MALRD1: variants seen among roughly 807,000 people sequenced by gnomAD.
MALRD1 encodes the protein MAM and LDL-receptor class A domain-containing protein 1.
Under a neutral mutation model 242.1 loss-of-function variants are expected in MALRD1, and 247 were observed. The observed-to-expected ratio is 1.02, with a 90% confidence interval of 0.92 to 1.13. MALRD1 has a LOEUF of 1.13. Among genes scored for constraint, MALRD1 ranks in the 50% most tolerant of loss-of-function variants. The pLI, the probability that MALRD1 is intolerant of heterozygous loss-of-function variation, is 0.00. For missense variants in MALRD1, 2,989 were observed against 2,533.1 expected, an observed-to-expected ratio of 1.18 and a Z score of -3.86; for synonymous variants, 995 against 866.6, an observed-to-expected ratio of 1.15 and a Z score of -2.60.
intron 34 of MALRD1, among the ~76,000 whole-genome samples, chr10:19,603,182 A>G (rs571646445): frequency 1.3e-5 from 2 of 152,202 alleles, no homozygotes; most frequent in Non-Finnish European, 2.9e-5. Context: ...TGCTGTGCAG[A>G]AGCTCTTTAG....
At chr10:19,401,380 A>G (rs577636367) in intron 28 of MALRD1, among the ~76,000 whole-genome samples, 1 of 152,328 alleles carries the variant, frequency 6.6e-6, no homozygotes, top group Non-Finnish European at 1.5e-5. Context: ...TTTAAATTAA[A>G]TGTTATGTAC....
intron 31 of MALRD1, among the ~76,000 whole-genome samples, chr10:19,526,006 T>C (rs759375937): frequency 6.6e-6 from 1 of 152,192 alleles, no homozygotes; most frequent in African/African-American, 2.4e-5. Flanking sequence ...ATAAAGCGAG[T>C]TGGTTTAATG....
intron 32 of MALRD1, among the ~76,000 whole-genome samples, chr10:19,564,992 C>T (rs1836188737): frequency 6.6e-6 from 1 of 152,058 alleles, no homozygotes; most frequent in African/African-American, 2.4e-5. Context: ...TATGAAAACA[C>T]TTGACGTAAC....
intron 1 of MALRD1, chr10:19,052,153 TA>T: frequency 2.3e-6 from 1 of 436,080 alleles, no homozygotes; most frequent in Admixed American, 2.7e-5. Flanking sequence ...CTTTGGTGCC[TA>T]ATGATGTCTA....
intron 27 of MALRD1, among the ~76,000 whole-genome samples, chr10:19,388,349 C>T (rs1025566719): frequency 6.6e-6 from 1 of 152,176 alleles, no homozygotes; most frequent in Admixed American, 6.5e-5. Context: ...CAAACCATAA[C>T]AGTTTTTAGC....
chr10:19,234,643 C>T (rs900253303), intron 18 of MALRD1, among the ~76,000 whole-genome samples: 8 of 147,348 alleles, frequency 5.4e-5, no homozygotes, highest in African/African-American at 1.0e-4. Context: ...AAAAAAAAAG[C>T]GCTAATTCAT....
intron 21 of MALRD1, among the ~76,000 whole-genome samples, chr10:19,290,632 A>C (rs1359958729): frequency 2.0e-5 from 3 of 152,174 alleles, no homozygotes; most frequent in Admixed American, 1.3e-4. Flanking sequence ...GTATTTTGAG[A>C]AAAGAATCAT....
rs1836316899 is a variant in MALRD1, at chr10:19,567,658, A to G, written c.5635A>G (p.Ile1879Val). The G allele has an allele frequency of 1.3e-6, 2 of 1,550,514 alleles. No homozygotes were observed. The highest frequency in any genetic ancestry group is 1.4e-5 in the African/African-American group (1 of 72,998). Residue 1879 changes from isoleucine to valine, a missense_variant, in exon 33 of 40, where the codon ATT becomes GTT. Coordinates refer to ENST00000454679, the MANE Select transcript of MALRD1 (RefSeq NM_001142308.3). ...ADLDGNEDIF[I>V]ALDDISFTPE... ...TTTGGATGGAAATGAGGACATCTTT[A>G]TTGCTCTTGATGACATCTCTTTTAC... is the stretch of plus-strand genomic sequence containing the variant.
intron 18 of MALRD1, among the ~76,000 whole-genome samples, chr10:19,232,567 G>A (rs1053960243): frequency 2.6e-5 from 4 of 152,060 alleles, no homozygotes. Context: ...ATGATCATGT[G>A]CCTGTTTTGT....
At chr10:19,289,034 T>C (rs190806238) in intron 21 of MALRD1, among the ~76,000 whole-genome samples, 5 of 152,280 alleles carry the variant, frequency 3.3e-5, no homozygotes, top group African/African-American at 4.8e-5. Context: ...TTTTATTTAA[T>C]ATGTTTTAAT....
At chr10:19,229,997 A>G (rs1316628627) in intron 18 of MALRD1, among the ~76,000 whole-genome samples, 2 of 152,042 alleles carry the variant, frequency 1.3e-5, no homozygotes, top group Non-Finnish European at 2.9e-5. Flanking sequence ...TTTTCCCCAT[A>G]CTGTTCTAGT....
chr10:19,677,001 C>T (rs1842165298), intron 36 of MALRD1, among the ~76,000 whole-genome samples: 1 of 152,162 alleles, frequency 6.6e-6, no homozygotes, highest in Admixed American at 6.6e-5. Context: ...TGATCTCATT[C>T]TGTTTTGTGG....
intron 36 of MALRD1, among the ~76,000 whole-genome samples, chr10:19,633,246 GAGAC>G (rs999137350): frequency 6.6e-6 from 1 of 152,040 alleles, no homozygotes; most frequent in Non-Finnish European, 1.5e-5. Flanking sequence ...AAAAAAAAGA[GAGAC>G]AGAGAGAGAG....
intron 21 of MALRD1, among the ~76,000 whole-genome samples, chr10:19,313,968 C>T (rs967748031): frequency 6.6e-6 from 1 of 151,414 alleles, no homozygotes; most frequent in African/African-American, 2.4e-5. Context: ...AAAGAGAAAT[C>T]TAAAAGCACT....
At chr10:19,240,353 A>T (rs1838703376) in intron 18 of MALRD1, among the ~76,000 whole-genome samples, 1 of 152,016 alleles carries the variant, frequency 6.6e-6, no homozygotes, top group Admixed American at 6.6e-5. Flanking sequence ...ACTTTACTGA[A>T]TTTATTTATT....
rs1554809318 is a variant in MALRD1 at position 19,199,813 on chromosome 10, T to TA, written c.1952-3912dup. Reference sequence around the variant, plus strand: ...AAGACTCTGTCTCCAAATAAATAAATAAATAAAATAAAATAAAATAAAATA... The same window carrying TA: ...AAGACTCTGTCTCCAAATAAATAAATAAAATAAAATAAAATAAAATAAAATA... On this transcript the variant is annotated intron_variant, in intron 14 of 39. Transcript: ENST00000454679. 3.3e-4 allele frequency among the ~76,000 whole-genome samples: 49 copies of TA among 148,670 alleles called. No homozygotes were observed. The East Asian group carries it at 8.6e-3, about 26-fold the overall frequency.
chr10:19,052,627 G>A (rs535772298), intron 1 of MALRD1, among the ~76,000 whole-genome samples: 6 of 152,140 alleles, frequency 3.9e-5, no homozygotes, highest in African/African-American at 1.4e-4. Context: ...AGCCCAGGGG[G>A]CTTGATAGAG....
intron 35 of MALRD1, among the ~76,000 whole-genome samples, chr10:19,613,745 T>C (rs1330773856): frequency 6.6e-6 from 1 of 152,046 alleles, no homozygotes; most frequent in Non-Finnish European, 1.5e-5. Context: ...AGAAGCTGTG[T>C]GTCTCTGAAT....
chr10:19,366,384 C>T (rs1027848022), intron 26 of MALRD1, among the ~76,000 whole-genome samples: 1 of 151,998 alleles, frequency 6.6e-6, no homozygotes, highest in Non-Finnish European at 1.5e-5. Context: ...GGAGGCGGAG[C>T]TCAGGTGGTA....
Sources: allele counts gnomAD v4.1 joint callset (sites outside exome capture counted in the v4.1 genomes callset), GRCh38; gene constraint gnomAD v4.1.1; transcripts MANE v1.5; gene names NCBI Gene and HGNC (gene_info 2026-07-23, HGNC 2026-07-21).